PPM1H: variants seen among roughly 807,000 people sequenced by gnomAD.
PPM1H encodes protein phosphatase 1H.
A neutral mutation model predicts 54.9 loss-of-function variants in PPM1H; 27 were observed. The ratio of observed to expected loss-of-function variants is 0.49; its 90% confidence interval spans 0.36 to 0.68. The LOEUF is 0.68. PPM1H is among the 30% of genes least tolerant of loss of function. The pLI, the probability that PPM1H is intolerant of heterozygous loss-of-function variation, is 0.00. For synonymous variants in PPM1H, 305 were observed against 270.8 expected (o/e 1.13, Z -1.24); for missense variants, 596 against 667.8 (o/e 0.89, Z 1.19).
At chr12:62,834,581 G>C (rs902867118) in intron 1 of PPM1H, among the ~76,000 whole-genome samples, 2 of 152,206 alleles carry the variant, frequency 1.3e-5, no homozygotes, top group African/African-American at 2.4e-5. Context: ...CCAGGCCTGA[G>C]AGGGCGGGCC....
At chr12:62,665,194 T>G (rs956118776) in intron 9 of PPM1H, among the ~76,000 whole-genome samples, 7 of 152,060 alleles carry the variant, frequency 4.6e-5, no homozygotes, top group African/African-American at 1.4e-4. Flanking sequence ...ATTACACACA[T>G]GCATCACCAT....
rs57231570 is a variant in PPM1H at position 62,664,565 on chromosome 12, C to T, written c.1397+2613G>A. 4.9e-3 allele frequency among the ~76,000 whole-genome samples: 752 copies of T among 152,330 alleles called. 5 individuals are homozygous for T. The highest frequency in any genetic ancestry group is 0.018 in the African/African-American group (732 of 41,578). ...ATAGCATGTGAGCTAACACCCCTCC[C>T]TTGACAATTTGTACGCTATTTTTAT... On this transcript the variant is annotated intron_variant, in intron 9 of 9. Coordinates refer to ENST00000228705, the MANE Select transcript of PPM1H (RefSeq NM_020700.2).
Position 62,823,162 on chromosome 12 carries a change from G to A in PPM1H, c.411+8952C>T, listed in dbSNP as rs568788398. Among the ~76,000 whole-genome samples, 5 of 152,040 alleles carry A rather than the reference G, an allele frequency of 3.3e-5. No individual in the cohort carries two copies. The South Asian group carries it at 8.3e-4, about 25-fold the overall frequency. ...AAATATAGAAAAATGGATAAATTCC[G>A]GGACACATACACCCTCCCAAGACTA... On this transcript the variant is annotated intron_variant, in intron 2 of 9. Transcript: ENST00000228705.
At chr12:62,761,647 C>T (rs992858125) in intron 4 of PPM1H, among the ~76,000 whole-genome samples, 1 of 151,832 alleles carries the variant, frequency 6.6e-6, no homozygotes, top group Non-Finnish European at 1.5e-5. Flanking sequence ...CTCATTTCCC[C>T]ATAAAAAAAG....
At chr12:62,905,034 C>G (rs1199435680) in intron 1 of PPM1H, among the ~76,000 whole-genome samples, 1 of 152,106 alleles carries the variant, frequency 6.6e-6, no homozygotes, top group Non-Finnish European at 1.5e-5. Flanking sequence ...TCCAGCTCTG[C>G]CACTTACTCA....
At chr12:62,899,048 C>A (rs552398075) in intron 1 of PPM1H, among the ~76,000 whole-genome samples, 1 of 152,246 alleles carries the variant, frequency 6.6e-6, no homozygotes, top group African/African-American at 2.4e-5. Context: ...AAGCCGGGAA[C>A]AATAGCATAT....
intron 9 of PPM1H, among the ~76,000 whole-genome samples, chr12:62,658,212 T>TTTA (rs768288538): frequency 1.5e-5 from 2 of 130,598 alleles, no homozygotes; most frequent in South Asian, 2.6e-4. Context: ...TTTTTTTTTT[T>TTTA]AAGTAAAAAA....
At chr12:62,735,749 AG>A (rs2076346327) in intron 5 of PPM1H, among the ~76,000 whole-genome samples, 1 of 152,218 alleles carries the variant, frequency 6.6e-6, no homozygotes, top group Admixed American at 6.5e-5. Flanking sequence ...TAGGAGGATT[AG>A]GGGACACTTT....
rs148937439 is a variant in PPM1H, at chr12:62,872,023, T to C, written c.246-39744A>G. Among the ~76,000 whole-genome samples the C allele has an allele frequency of 7.2e-5, 11 of 152,302 alleles. No individual in the cohort carries two copies. The East Asian group carries it at 2.1e-3, about 29-fold the overall frequency. ...CTTTTGAAACCTGGATCTATGAAAA[T>C]AAATACAGCATTCAGTTTCTAGCCA... On this transcript the variant is annotated intron_variant, in intron 1 of 9. Coordinates refer to ENST00000228705, the MANE Select transcript of PPM1H (RefSeq NM_020700.2).
At chr12:62,899,658 G>A (rs1369597743) in intron 1 of PPM1H, among the ~76,000 whole-genome samples, 3 of 152,112 alleles carry the variant, frequency 2.0e-5, no homozygotes, top group Non-Finnish European at 4.4e-5. Context: ...CAGATACACA[G>A]GCTTTATTTG....
At chr12:62,689,871 G>C in intron 7 of PPM1H, 65 bp from the exon 8 acceptor site, 1 of 1,131,050 alleles carries the variant, frequency 8.8e-7, no homozygotes, top group Non-Finnish European at 1.3e-6. Context: ...TTCCAGTGCA[G>C]CTGCCTGGGC....
intron 6 of PPM1H, among the ~76,000 whole-genome samples, chr12:62,709,539 C>T (rs983123028): frequency 3.3e-5 from 5 of 152,182 alleles, no homozygotes; most frequent in African/African-American, 1.2e-4. Flanking sequence ...AAACCCCTCT[C>T]GTAATCCAGA....
At chr12:62,861,781 C>T (rs564175167) in intron 1 of PPM1H, among the ~76,000 whole-genome samples, 1 of 152,296 alleles carries the variant, frequency 6.6e-6, no homozygotes, top group South Asian at 2.1e-4. Flanking sequence ...CACCGTGGTG[C>T]TTGCAGCAAG....
intron 8 of PPM1H, among the ~76,000 whole-genome samples, chr12:62,669,138 T>A (rs947999660): frequency 6.6e-6 from 1 of 152,262 alleles, no homozygotes; most frequent in Non-Finnish European, 1.5e-5. Context: ...GCTAAACTTA[T>A]GTTCCGGAGA....
At chr12:62,899,886 T>C (rs190638370) in intron 1 of PPM1H, among the ~76,000 whole-genome samples, 21 of 152,306 alleles carry the variant, frequency 1.4e-4, no homozygotes, top group African/African-American at 4.8e-4. Context: ...GCAATGGTAT[T>C]ACGAAGGTGA....
chr12:62,802,574 T>TC (rs1403409179), intron 2 of PPM1H, among the ~76,000 whole-genome samples: 1 of 151,570 alleles, frequency 6.6e-6, no homozygotes, highest in African/African-American at 2.4e-5. Context: ...CCCGTCTTTT[T>TC]TTTTTTTTTG....
At chr12:62,774,751 A>G (rs1021010069) in intron 4 of PPM1H, among the ~76,000 whole-genome samples, 6 of 152,204 alleles carry the variant, frequency 3.9e-5, no homozygotes, top group Non-Finnish European at 7.4e-5. Context: ...GCAGAGGCTC[A>G]GCAAACTGTT....
At position 62,648,371 on chromosome 12, in the gene PPM1H, C is replaced by T; in HGVS notation, c.*118G>A. On this transcript the variant is annotated 3_prime_UTR_variant, in exon 10 of 10. Coordinates refer to ENST00000228705, the MANE Select transcript of PPM1H (RefSeq NM_020700.2). ...TAGTCTTTTGGCCATGAACTCCCCG[C>T]TTGGGCTGGGAAGAGACTGCATCAC... 7.5e-7 allele frequency: 1 copy of T among 1,335,458 alleles called. No individual in the cohort carries two copies. Among genetic ancestry groups the T allele is most frequent in the Non-Finnish European group, 1.0e-6 (1 of 967,966 alleles). The allele number at this position is 1,335,458 out of a possible 1,614,324, so 82.7% of individuals were successfully genotyped here. A position where few individuals can be genotyped will look rare whatever the true frequency, so the allele number is the denominator to read the frequency against.
intron 4 of PPM1H, among the ~76,000 whole-genome samples, chr12:62,785,075 G>C (rs990834805): frequency 4.6e-5 from 7 of 152,174 alleles, no homozygotes; most frequent in Non-Finnish European, 7.4e-5. Context: ...TTAGGTTTTA[G>C]AGATACTGCT....
Sources: gnomAD v4.1 joint callset for allele counts (sites outside exome capture counted in the v4.1 genomes callset) on GRCh38, gnomAD v4.1.1 for gene constraint, MANE v1.5 for transcripts, NCBI Gene and HGNC (gene_info 2026-07-23, HGNC 2026-07-21) for gene names.